The following ESF1 variants were observed in gnomAD, a reference collection of about 807,000 sequenced individuals.
The protein encoded by ESF1 is ESF1 homolog.
ESF1 carries 58 observed loss-of-function variants against 92.0 expected under a neutral mutation model. That is an observed-to-expected ratio of 0.63 (90% CI 0.51 to 0.78). The LOEUF (loss-of-function observed/expected upper bound fraction) is 0.78. Ranked by LOEUF, ESF1 falls within the 30% of genes least tolerant of loss-of-function variation. ESF1 has a pLI of 0.00. For synonymous variants in ESF1, 321 were observed against 313.7 expected (o/e 1.02, Z -0.24); for missense variants, 922 against 989.1 (o/e 0.93, Z 0.91).
Position 13,770,030 on chromosome 20 carries a change from T to A in ESF1, c.1404-9A>T, listed in dbSNP as rs751688537. On this transcript the variant is annotated splice_polypyrimidine_tract_variant and intron_variant, in intron 6 of 13. Transcript: ENST00000617257. ...TATCATCTGGTATAAACCTAAGAAG[T>A]AAAGAAAAAAAATTTATTTAAAATA... 1.3e-6 allele frequency: 2 copies of A among 1,531,688 alleles called. No individual in the cohort carries two copies. The highest frequency in any genetic ancestry group is 3.8e-5 in the Admixed American group (2 of 52,078). The allele number at this position is 1,531,688 out of a possible 1,614,324, so 94.9% of individuals were successfully genotyped here. A position where few individuals can be genotyped will look rare whatever the true frequency, so the allele number is the denominator to read the frequency against.
Position 13,776,038 on chromosome 20 carries a change from A to G in ESF1, c.870T>C (p.Ser290=). Residue 290 remains serine, a synonymous_variant, in exon 3 of 14, where the codon AGT becomes AGC. Coordinates refer to ENST00000617257, the MANE Select transcript of ESF1 (RefSeq NM_001276380.2). ...EDEEEDEDED[S]EDDDKSDSGP... ...CACTGTCACTTTTATCATCATCCTCACTATCCTCATCTTCATCCTCCTCTT... is the reference window on the plus strand; with the variant it reads ...CACTGTCACTTTTATCATCATCCTCGCTATCCTCATCTTCATCCTCCTCTT... 6.2e-7 allele frequency: 1 copy of G among 1,613,692 alleles called. No homozygotes were observed. The highest frequency in any genetic ancestry group is 8.5e-7 in the Non-Finnish European group (1 of 1,179,814).
At chr20:13,734,833 T>G (rs1294195710) in intron 9 of ESF1, among the ~76,000 whole-genome samples, 2 of 152,104 alleles carry the variant, frequency 1.3e-5, no homozygotes, top group African/African-American at 4.8e-5. Context: ...TCTAAGAAAG[T>G]AGAAACGATA....
chr20:13,764,803 CA>C (rs1179430046), intron 8 of ESF1, among the ~76,000 whole-genome samples: 4 of 151,916 alleles, frequency 2.6e-5, no homozygotes, highest in African/African-American at 9.7e-5. Context: ...CTTATAGTTT[CA>C]GGGGTGGCAA....
rs1980253683 is a variant in ESF1, at chr20:13,782,652, T to C, written c.489A>G (p.Gln163=). Residue 163 remains glutamine, a synonymous_variant, in exon 2 of 14, where the codon CAA becomes CAG. Transcript: ENST00000617257. Reference sequence around the variant, plus strand: ...TGTTTTTTTTCTCTTTCTTATTTTTTTGTGTAAATTCTTTGCTATCCTTCT... The same window carrying C: ...TGTTTTTTTTCTCTTTCTTATTTTTCTGTGTAAATTCTTTGCTATCCTTCT... ...SPKKDSKEFT[Q]KNKKEKKNIV... The C allele has an allele frequency of 6.2e-7, 1 of 1,606,272 alleles. No homozygotes were observed. The highest frequency in any genetic ancestry group is 1.3e-5 in the African/African-American group (1 of 74,442).
rs188380935 is a variant in ESF1 at position 13,769,755 on chromosome 20, C to T, written c.1518+152G>A. 5.3e-3 allele frequency: 3,338 copies of T among 632,024 alleles called. 15 individuals carry two copies. Among genetic ancestry groups the T allele is most frequent in the Middle Eastern group, 0.011 (26 of 2,296 alleles). 39.2% of individuals were successfully genotyped at this position (632,024 alleles called of 1,614,324 possible). A position where few individuals can be genotyped will look rare whatever the true frequency, so the allele number is the denominator to read the frequency against. On this transcript the variant is annotated intron_variant, in intron 7 of 13. Coordinates refer to ENST00000617257, the MANE Select transcript of ESF1 (RefSeq NM_001276380.2). ...GAACTGAGATCATACCACTGCACTC[C>T]AGCCTGGGTGAGAGAGCGAGACTCT... is the stretch of plus-strand genomic sequence containing the variant.
chr20:13,765,763 GTAAAT>G (rs962548534), intron 8 of ESF1, among the ~76,000 whole-genome samples: 1 of 152,154 alleles, frequency 6.6e-6, no homozygotes, highest in African/African-American at 2.4e-5. Flanking sequence ...ACCAACCAAA[GTAAAT>G]TAAAGTCTTC....
At chr20:13,777,068 T>A (rs1011554543) in intron 2 of ESF1, among the ~76,000 whole-genome samples, 15 of 152,180 alleles carry the variant, frequency 9.9e-5, no homozygotes, top group African/African-American at 3.6e-4. Context: ...ATCCTCAGAC[T>A]TGCATATTGA....
intron 10 of ESF1, among the ~76,000 whole-genome samples, chr20:13,732,954 T>C (rs1452635852): frequency 6.6e-6 from 1 of 151,488 alleles, no homozygotes; most frequent in Non-Finnish European, 1.5e-5. Context: ...TGAGACAGAG[T>C]CTTGCCCTGT....
chr20:13,737,106 A>C (rs1168022589), intron 9 of ESF1, among the ~76,000 whole-genome samples: 1 of 152,238 alleles, frequency 6.6e-6, no homozygotes, highest in Non-Finnish European at 1.5e-5. Context: ...GAGAGCAGCC[A>C]CTATGTGACT....
intron 8 of ESF1, among the ~76,000 whole-genome samples, chr20:13,764,226 C>A (rs895986144): frequency 2.6e-5 from 4 of 152,146 alleles, no homozygotes; most frequent in African/African-American, 9.7e-5. Flanking sequence ...TTTCTGTCAG[C>A]ATTAAATCTC....
chr20:13,759,550 G>A, intron 9 of ESF1, 142 bp downstream of exon 9: 1 of 1,107,222 alleles, frequency 9.0e-7, no homozygotes, highest in South Asian at 2.0e-5. Flanking sequence ...AGTCTAAAAT[G>A]CTAGTCATTA....
intron 1 of ESF1, among the ~76,000 whole-genome samples, chr20:13,783,946 G>A (rs554885959): frequency 6.6e-6 from 1 of 152,302 alleles, no homozygotes; most frequent in East Asian, 1.9e-4. Flanking sequence ...TGTAAGACTA[G>A]CATTCTAACT....
intron 9 of ESF1, among the ~76,000 whole-genome samples, 171 bp downstream of exon 9, chr20:13,759,521 T>C (rs1979057491): frequency 1.3e-5 from 2 of 152,144 alleles, no homozygotes; most frequent in South Asian, 4.1e-4. Context: ...AAGAAACCAA[T>C]TAAAAATAAG....
At chr20:13,734,338 T>C (rs1251988521) in intron 9 of ESF1, among the ~76,000 whole-genome samples, 1 of 152,190 alleles carries the variant, frequency 6.6e-6, no homozygotes, top group African/African-American at 2.4e-5. Flanking sequence ...ACAAAAATTG[T>C]TTAGTAAGGA....
chr20:13,773,800 T>C (rs899518960), intron 4 of ESF1, among the ~76,000 whole-genome samples: 2 of 152,056 alleles, frequency 1.3e-5, no homozygotes, highest in African/African-American at 4.8e-5. Context: ...CTCAAAAGTT[T>C]ATTAGCTAGT....
Position 13,714,978 on chromosome 20 carries a change from C to G in ESF1, c.2452G>C (p.Glu818Gln), listed in dbSNP as rs778389022. The G allele has an allele frequency of 7.4e-6, 12 of 1,613,796 alleles. No individual in the cohort carries two copies. The highest frequency in any genetic ancestry group is 1.3e-5 in the African/African-American group (1 of 74,850). The change falls in exon 14 of 14, where the codon GAA (glutamate) becomes CAA (glutamine). Residue 818 changes from glutamate to glutamine, a missense_variant. Physicochemically the swap from Glu to Gln is conservative, Grantham distance 29. Transcript: ENST00000617257. ...GGATCAATGGACTTCCTTTGTGATT[C>G]CTTTTCAATCTCACTCTCTTTTTTC... ...IKKKESEIEKESQRKSIDPAL... is the reference protein window; with the variant it reads ...IKKKESEIEKQSQRKSIDPAL...
chr20:13,750,723 A>C (rs1169817116), intron 9 of ESF1, among the ~76,000 whole-genome samples: 2 of 152,244 alleles, frequency 1.3e-5, no homozygotes, highest in African/African-American at 4.8e-5. Flanking sequence ...TCATGCCTGC[A>C]ATTCCAGCGC....
chr20:13,776,466 G>C (rs1979948339), intron 2 of ESF1, among the ~76,000 whole-genome samples, 196 bp from the exon 3 acceptor site: 1 of 152,088 alleles, frequency 6.6e-6, no homozygotes, highest in South Asian at 2.1e-4. Context: ...ACAGAGTAAA[G>C]GAAAATACAC....
intron 2 of ESF1, among the ~76,000 whole-genome samples, chr20:13,780,007 C>T (rs1321246497): frequency 6.6e-6 from 1 of 152,128 alleles, no homozygotes; most frequent in Non-Finnish European, 1.5e-5. Context: ...CTTAAAAAGG[C>T]CCTTGCACAC....
Sources: gnomAD v4.1 joint callset for allele counts (sites outside exome capture counted in the v4.1 genomes callset) on GRCh38, gnomAD v4.1.1 for gene constraint, MANE v1.5 for transcripts, NCBI Gene and HGNC (gene_info 2026-07-23, HGNC 2026-07-21) for gene names.